LPGAT1: variants seen among roughly 807,000 people sequenced by gnomAD.
LPGAT1 encodes the protein lysophosphatidylglycerol acyltransferase 1.
A neutral mutation model predicts 47.5 loss-of-function variants in LPGAT1; 11 were observed. That is an observed-to-expected ratio of 0.23 (90% confidence interval 0.15 to 0.38). LPGAT1 has a LOEUF of 0.38. LPGAT1 is among the 10% of genes least tolerant of loss of function. LPGAT1 has a pLI of 1.00. For synonymous variants in LPGAT1, 138 were observed against 144.2 expected, an observed-to-expected ratio of 0.96 and a Z score of 0.31; for missense variants, 293 against 439.0, an observed-to-expected ratio of 0.67 and a Z score of 2.97.
intron 2 of LPGAT1, among the ~76,000 whole-genome samples, chr1:211,822,897 G>A (rs771836620): frequency 1.3e-5 from 2 of 152,138 alleles, no homozygotes; most frequent in Non-Finnish European, 2.9e-5. Flanking sequence ...TTCTCCACAT[G>A]AGTAGAGAGC....
intron 6 of LPGAT1, among the ~76,000 whole-genome samples, chr1:211,772,646 C>T (rs1658221554): frequency 6.6e-6 from 1 of 152,048 alleles, no homozygotes; most frequent in Non-Finnish European, 1.5e-5. Context: ...TTATATGATG[C>T]CTGAGGCTTG....
At chr1:211,824,010 A>G (rs751849028) in intron 2 of LPGAT1, among the ~76,000 whole-genome samples, 24 of 152,134 alleles carry the variant, frequency 1.6e-4, no homozygotes, top group Non-Finnish European at 3.1e-4. Context: ...GATGTGATTC[A>G]AGGTTTCATA....
intron 2 of LPGAT1, 46 bp from the exon 3 acceptor site, chr1:211,793,236 A>G (rs540322606): frequency 2.4e-6 from 3 of 1,231,734 alleles, no homozygotes; most frequent in African/African-American, 3.0e-5. Flanking sequence ...AAAGATTTTT[A>G]TATTATCACA....
Position 211,830,542 on chromosome 1 carries a change from T to A in LPGAT1, c.-28+31A>T. 9.1e-7 allele frequency: 1 copy of A among 1,098,518 alleles called. No individual in the cohort carries two copies. 68.0% of individuals were successfully genotyped at this position (1,098,518 alleles called of 1,614,324 possible). A position where few individuals can be genotyped will look rare whatever the true frequency, so the allele number is the denominator to read the frequency against. Reference sequence around the variant, plus strand: ...CCCTGGCCCGGCTCCGCTGCCGCTCTGGGGCCTGCGACCGCGGAGCCGGAG... The same window carrying A: ...CCCTGGCCCGGCTCCGCTGCCGCTCAGGGGCCTGCGACCGCGGAGCCGGAG... On this transcript the variant is annotated intron_variant, in intron 1 of 7. Transcript: ENST00000366997. This position sits in a 1 kb window ranked among gnomAD's most constrained non-coding sequence, Gnocchi z 5.9.
intron 6 of LPGAT1, among the ~76,000 whole-genome samples, chr1:211,775,778 A>G (rs1658372163): frequency 6.6e-6 from 1 of 151,906 alleles, no homozygotes; most frequent in Non-Finnish European, 1.5e-5. Flanking sequence ...AAAATACAAA[A>G]TTAGCCGGGC....
rs1558262776 is a variant in LPGAT1, at chr1:211,775,317, A to AAAAT, written c.854+3597_854+3600dup. Among the ~76,000 whole-genome samples, 4 of 152,272 alleles carry AAAAT rather than the reference A, an allele frequency of 2.6e-5. No individual in the cohort carries two copies. In the South Asian group the frequency reaches 6.2e-4, roughly 24 times the overall value. Reference sequence around the variant, plus strand: ...GAGTGACACAGCAAGACTCTGTCTCAAAATAAATAAATAAATAGACAAACC... The same window carrying AAAAT: ...GAGTGACACAGCAAGACTCTGTCTCAAAATAAATAAATAAATAAATAGACAAACC... On this transcript the variant is annotated intron_variant, in intron 6 of 7. Transcript: ENST00000366997.
At chr1:211,808,894 C>T (rs1051730443) in intron 2 of LPGAT1, among the ~76,000 whole-genome samples, 4 of 152,124 alleles carry the variant, frequency 2.6e-5, no homozygotes, top group Admixed American at 6.5e-5. Flanking sequence ...CCCAAAGTAG[C>T]CTGGTTCAAA....
At chr1:211,765,500 T>C (rs903293964) in intron 6 of LPGAT1, among the ~76,000 whole-genome samples, 4 of 152,210 alleles carry the variant, frequency 2.6e-5, no homozygotes, top group African/African-American at 9.6e-5. Context: ...ATTTTTGTAT[T>C]TGGGGGCATA....
intron 6 of LPGAT1, among the ~76,000 whole-genome samples, chr1:211,755,550 G>C (rs1016279680): frequency 6.6e-6 from 1 of 151,002 alleles, no homozygotes; most frequent in East Asian, 1.9e-4. Flanking sequence ...CGAGTAGACA[G>C]AAAAAAAATA....
intron 4 of LPGAT1, among the ~76,000 whole-genome samples, 167 bp from the exon 5 acceptor site, chr1:211,783,669 G>C (rs1658730806): frequency 6.6e-6 from 1 of 152,190 alleles, no homozygotes; most frequent in Non-Finnish European, 1.5e-5. Context: ...GGGGTAAAAA[G>C]AGAGAAGTTA....
At chr1:211,785,360 C>CAAA (rs1367967063) in intron 4 of LPGAT1, among the ~76,000 whole-genome samples, 1 of 152,130 alleles carries the variant, frequency 6.6e-6, no homozygotes, top group African/African-American at 2.4e-5. Context: ...AGCAAAGTCT[C>CAAA]AAGAGAATTT....
At chr1:211,774,037 T>C (rs1391129938) in intron 6 of LPGAT1, among the ~76,000 whole-genome samples, 1 of 151,888 alleles carries the variant, frequency 6.6e-6, no homozygotes, top group East Asian at 1.9e-4. Flanking sequence ...GAGAATGCTA[T>C]TTATAAACAC....
At chr1:211,821,510 A>C (rs1489025863) in intron 2 of LPGAT1, among the ~76,000 whole-genome samples, 1 of 152,208 alleles carries the variant, frequency 6.6e-6, no homozygotes, top group African/African-American at 2.4e-5. Context: ...TATAAACTCA[A>C]ATAACATAAA....
chr1:211,779,184 C>A, intron 5 of LPGAT1, 140 bp from the exon 6 acceptor site: 1 of 558,456 alleles, frequency 1.8e-6, no homozygotes, highest in Non-Finnish European at 3.0e-6. Context: ...AACTTTGGTG[C>A]TCCTGTTCTA....
intron 5 of LPGAT1, among the ~76,000 whole-genome samples, chr1:211,779,895 T>C (rs1658567398): frequency 1.4e-5 from 2 of 139,396 alleles, no homozygotes; most frequent in Non-Finnish European, 3.1e-5. Context: ...CATAAAAAAT[T>C]GGCTGGGTGC....
chr1:211,779,608 T>C (rs904899973), intron 5 of LPGAT1, among the ~76,000 whole-genome samples: 9 of 152,114 alleles, frequency 5.9e-5, no homozygotes, highest in African/African-American at 2.2e-4. Context: ...CCCAGAACTT[T>C]GGAAGGCAGA....
In LPGAT1 at chr1:211,817,661, G is replaced by C. The variant is rs781377925; in HGVS notation, c.238+11398C>G. Among the ~76,000 whole-genome samples, 37 of 151,930 alleles carry C rather than the reference G, an allele frequency of 2.4e-4. 2 individuals carry two copies. The highest frequency in any genetic ancestry group is 1.1e-3 in the Admixed American group (17 of 15,252). On this transcript the variant is annotated intron_variant, in intron 2 of 7. Coordinates refer to ENST00000366997, the MANE Select transcript of LPGAT1 (RefSeq NM_014873.3). ...GAAATGAGACATTCTACTAACTAAT[G>C]AGTGTATAAACAACTGGCAACATTT...
intron 2 of LPGAT1, among the ~76,000 whole-genome samples, chr1:211,794,403 G>C (rs182017948): frequency 6.8e-4 from 104 of 152,252 alleles, no homozygotes; most frequent in African/African-American, 2.4e-3. Context: ...CCTGGGCTCA[G>C]TGACCCTCCT....
At chr1:211,788,246 T>C (rs903407585) in intron 3 of LPGAT1, among the ~76,000 whole-genome samples, 1 of 152,188 alleles carries the variant, frequency 6.6e-6, no homozygotes, top group African/African-American at 2.4e-5. Context: ...AGAATATTTA[T>C]TAGTTTATGT....
Sources: allele counts gnomAD v4.1 joint callset (sites outside exome capture counted in the v4.1 genomes callset), GRCh38; gene constraint gnomAD v4.1.1; non-coding constraint Gnocchi (gnomAD v3.1); transcripts MANE v1.5; gene names NCBI Gene and HGNC (gene_info 2026-07-23, HGNC 2026-07-21).